AHCYL2: variants seen among roughly 807,000 people sequenced by gnomAD.
AHCYL2 encodes the protein adenosylhomocysteinase like 2.
A neutral mutation model predicts 81.4 loss-of-function variants in AHCYL2; 28 were observed. That is an observed-to-expected ratio of 0.34 (90% CI 0.25 to 0.47). The LOEUF (loss-of-function observed/expected upper bound fraction) is 0.47. AHCYL2 is among the 20% of genes least tolerant of loss of function. The pLI is 1.00. For synonymous variants in AHCYL2, 272 were observed against 290.2 expected, an observed-to-expected ratio of 0.94 and a Z score of 0.64; for missense variants, 551 against 785.1, an observed-to-expected ratio of 0.70 and a Z score of 3.56.
chr7:129,278,511 T>G (rs1325683710), intron 1 of AHCYL2, among the ~76,000 whole-genome samples: 1 of 152,082 alleles, frequency 6.6e-6, no homozygotes, highest in African/African-American at 2.4e-5. Context: ...TGTGGCTTAT[T>G]TTTTTTATTC....
intron 1 of AHCYL2, among the ~76,000 whole-genome samples, chr7:129,317,645 G>A (rs559662381): frequency 4.6e-5 from 7 of 152,322 alleles, no homozygotes; most frequent in African/African-American, 1.2e-4. Context: ...CTGGCTGGGA[G>A]CAGCTTAGGC....
chr7:129,229,721 G>A (rs1164474078), intron 1 of AHCYL2, among the ~76,000 whole-genome samples: 8 of 152,202 alleles, frequency 5.3e-5, no homozygotes, highest in Admixed American at 2.0e-4. Context: ...GCTTTAGGAA[G>A]AGGATGGGAG....
Position 129,225,541 on chromosome 7 carries a change from C to T in AHCYL2, c.363+102C>T, listed in dbSNP as rs1794180513. On this transcript the variant is annotated intron_variant, in intron 1 of 16. Transcript: ENST00000325006. Reference sequence around the variant, plus strand: ...CACCCTCCACGCCCTCCTTTCTGATCGCAGGACCGGAGATACCCCTTGTCC... The same window carrying T: ...CACCCTCCACGCCCTCCTTTCTGATTGCAGGACCGGAGATACCCCTTGTCC... 5.0e-6 allele frequency: 7 copies of T among 1,393,524 alleles called. No homozygotes were observed. In the South Asian group the frequency reaches 9.4e-5, roughly 19 times the overall value. 86.3% of individuals were successfully genotyped at this position (1,393,524 alleles called of 1,614,324 possible).
In AHCYL2 at chr7:129,426,880, C is replaced by A. The variant is rs1011346770; in HGVS notation, c.1830-159C>A. ...TTATCTCTTTATGGAGAAATATTGG[C>A]CTTTTTCAATGATGTGAAAAGGAAA... On this transcript the variant is annotated intron_variant, in intron 16 of 16. Transcript: ENST00000325006. The surrounding 1 kb of genome is among the most constrained non-coding windows in gnomAD (Gnocchi z 4.3). 1.3e-5 allele frequency among the ~76,000 whole-genome samples: 2 copies of A among 151,966 alleles called. No homozygotes were observed. The highest frequency in any genetic ancestry group is 4.8e-5 in the African/African-American group (2 of 41,390).
intron 1 of AHCYL2, among the ~76,000 whole-genome samples, chr7:129,322,976 T>A (rs183862354): frequency 1.3e-5 from 2 of 152,240 alleles, no homozygotes; most frequent in African/African-American, 4.8e-5. Context: ...CCTTTGGATC[T>A]TCTCTCTTTT....
intron 6 of AHCYL2, among the ~76,000 whole-genome samples, chr7:129,402,782 G>C (rs923261092): frequency 2.6e-5 from 4 of 152,172 alleles, no homozygotes; most frequent in Admixed American, 1.3e-4. Context: ...CAGAGTGTGA[G>C]GTTGTGCTAG....
intron 5 of AHCYL2, among the ~76,000 whole-genome samples, chr7:129,399,841 C>T (rs1298152148): frequency 6.6e-6 from 1 of 151,720 alleles, no homozygotes; most frequent in Non-Finnish European, 1.5e-5. Flanking sequence ...ATTCTCCTGC[C>T]TCAGGCTCCC....
At chr7:129,276,736 C>CA (rs374792572) in intron 1 of AHCYL2, among the ~76,000 whole-genome samples, 50,203 of 124,874 alleles carry the variant, frequency 0.4, 10,617 homozygotes, top group African/African-American at 0.55. Flanking sequence ...GCAACTGTCT[C>CA]AAAAAAAAAA....
chr7:129,389,843 C>A, intron 4 of AHCYL2, 109 bp downstream of exon 4: 6 of 774,932 alleles, frequency 7.7e-6, no homozygotes, highest in South Asian at 2.3e-5. Context: ...CAAGTATTAG[C>A]TTATTAATCC....
At chr7:129,275,516 G>T (rs1796171493) in intron 1 of AHCYL2, among the ~76,000 whole-genome samples, 1 of 152,114 alleles carries the variant, frequency 6.6e-6, no homozygotes, top group African/African-American at 2.4e-5. Flanking sequence ...GAGAGAGACT[G>T]GAAATAAAGA....
chr7:129,380,664 G>A (rs1343209249), intron 2 of AHCYL2, among the ~76,000 whole-genome samples: 1 of 152,120 alleles, frequency 6.6e-6, no homozygotes. Flanking sequence ...CAGTAACAGT[G>A]AATGATGTAA....
Position 129,347,300 on chromosome 7 carries a change from G to A in AHCYL2, c.364-32338G>A, listed in dbSNP as rs189702126. On this transcript the variant is annotated intron_variant, in intron 1 of 16. Coordinates refer to ENST00000325006, the MANE Select transcript of AHCYL2 (RefSeq NM_015328.4). ...TGTGGACTTTGGGTGATAAAGATGC[G>A]TCAGTGTAGGCTTATTGATTAACTG... Among the ~76,000 whole-genome samples the A allele has an allele frequency of 3.3e-4, 50 of 152,270 alleles. No homozygotes were observed. The East Asian group carries it at 3.9e-3, about 12-fold the overall frequency.
At chr7:129,401,235 T>C (rs1331700707) in intron 6 of AHCYL2, among the ~76,000 whole-genome samples, 1 of 151,906 alleles carries the variant, frequency 6.6e-6, no homozygotes, top group Non-Finnish European at 1.5e-5. Context: ...GACTCCTAAG[T>C]GGGAGGATCA....
chr7:129,412,313 T>C lies in AHCYL2; in HGVS notation c.1367-1281T>C, dbSNP rs552500383. On this transcript the variant is annotated intron_variant, in intron 11 of 16. Coordinates refer to ENST00000325006, the MANE Select transcript of AHCYL2 (RefSeq NM_015328.4). The stretch of plus-strand genomic sequence containing the variant: ...ATTGCCAAACTTTTTTTTTTTTTTT[T>C]CGAGACACCCAAGCTGGAGTGCAGT... Among the ~76,000 whole-genome samples, 54 of 150,478 alleles carry C rather than the reference T, an allele frequency of 3.6e-4. 1 individual carries two copies. The East Asian group carries it at 5.3e-3, about 15-fold the overall frequency.
At chr7:129,262,684 G>C (rs1449235345) in intron 1 of AHCYL2, among the ~76,000 whole-genome samples, 1 of 152,178 alleles carries the variant, frequency 6.6e-6, no homozygotes, top group Non-Finnish European at 1.5e-5. Flanking sequence ...TGGGCAGCAA[G>C]GGATGGGTAT....
At chr7:129,303,825 C>G (rs1017566507) in intron 1 of AHCYL2, among the ~76,000 whole-genome samples, 8 of 152,114 alleles carry the variant, frequency 5.3e-5, no homozygotes, top group African/African-American at 1.9e-4. Flanking sequence ...TGGCTCACAC[C>G]TGTAATCATA....
At chr7:129,360,117 T>A (rs1205124966) in intron 1 of AHCYL2, among the ~76,000 whole-genome samples, 3 of 135,068 alleles carry the variant, frequency 2.2e-5, no homozygotes, top group Admixed American at 7.5e-5. Context: ...TTTTTAATTT[T>A]AATTTTTTTT....
chr7:129,245,055 C>T (rs890631152), intron 1 of AHCYL2, among the ~76,000 whole-genome samples: 2 of 138,488 alleles, frequency 1.4e-5, no homozygotes, highest in Non-Finnish European at 1.5e-5. Context: ...GACAGAGTCT[C>T]ACTCTGTTGC....
chr7:129,397,352 C>CTAAA (rs773035345), intron 5 of AHCYL2, 28 bp downstream of exon 5: 1 of 1,600,004 alleles, frequency 6.2e-7, no homozygotes, highest in Non-Finnish European at 8.5e-7. Context: ...GTGCCTTTGG[C>CTAAA]TAAAGTAAGT....
Sources: gnomAD v4.1 joint callset for allele counts (sites outside exome capture counted in the v4.1 genomes callset) on GRCh38, gnomAD v4.1.1 for gene constraint, Gnocchi (gnomAD v3.1) non-coding constraint, MANE v1.5 for transcripts, NCBI Gene and HGNC (gene_info 2026-07-23, HGNC 2026-07-21) for gene names.